Variants in KLRF1 observed in about 807,000 individuals in gnomAD.
The protein encoded by KLRF1 is killer cell lectin-like receptor subfamily F member 1.
KLRF1 carries 27 observed loss-of-function variants against 30.7 expected under a neutral mutation model. The ratio of observed to expected loss-of-function variants is 0.88; its 90% CI spans 0.65 to 1.21. The LOEUF (loss-of-function observed/expected upper bound fraction) is 1.21. KLRF1 is among the 50% of genes most tolerant of loss of function. The pLI, the probability that KLRF1 is intolerant of heterozygous loss-of-function variation, is 0.00. For synonymous variants in KLRF1, 92 were observed against 89.3 expected, an observed-to-expected ratio of 1.03 and a Z score of -0.17; for missense variants, 246 against 259.3, an observed-to-expected ratio of 0.95 and a Z score of 0.35.
At chr12:9,838,858 A>G (rs1867643168) in intron 3 of KLRF1, among the ~76,000 whole-genome samples, 2 of 152,132 alleles carry the variant, frequency 1.3e-5, no homozygotes, top group African/African-American at 4.8e-5. Flanking sequence ...AGACTTAGCT[A>G]ACATGTTTTA....
intron 5 of KLRF1, 100 bp downstream of exon 5, chr12:9,842,533 A>G (rs947486518): frequency 2.2e-6 from 2 of 920,438 alleles, no homozygotes; most frequent in African/African-American, 3.4e-5. Flanking sequence ...CTGGTACTAC[A>G]GAATTCAAAA....
At chr12:9,817,467 G>C in the KLRF1 span, 1 of 432,578 alleles carries the variant, frequency 2.3e-6, no homozygotes. Context: ...CTCTGAACCA[G>C]TTCATCCTTA....
chr12:9,821,273 C>G, the KLRF1 span, among the ~76,000 whole-genome samples: 2 of 152,102 alleles, frequency 1.3e-5, no homozygotes, highest in African/African-American at 2.4e-5. Context: ...CCAGTAACAG[C>G]AGCTCTGCAT....
the KLRF1 span, among the ~76,000 whole-genome samples, chr12:9,801,191 G>A: frequency 6.6e-6 from 1 of 151,916 alleles, no homozygotes; most frequent in African/African-American, 2.4e-5. Flanking sequence ...TCTTTTTTAT[G>A]GCTGCATAGT....
At chr12:9,823,929 CA>C (rs1486251525), upstream of KLRF1, among the ~76,000 whole-genome samples, 1 of 152,024 alleles carries the variant, frequency 6.6e-6, no homozygotes, top group Non-Finnish European at 1.5e-5. Context: ...AACACCGAAC[CA>C]GGGGGAAATT....
At chr12:9,818,497 G>C in the KLRF1 span, among the ~76,000 whole-genome samples, 1 of 152,218 alleles carries the variant, frequency 6.6e-6, no homozygotes, top group Non-Finnish European at 1.5e-5. Flanking sequence ...CAATGGATAA[G>C]ACATTCTGTA....
chr12:9,807,056 T>G, the KLRF1 span, among the ~76,000 whole-genome samples: 100 of 152,226 alleles, frequency 6.6e-4, no homozygotes, highest in African/African-American at 2.2e-3. Context: ...TTTAATTTCT[T>G]TAAAGATTTT....
chr12:9,820,454 T>A, the KLRF1 span, among the ~76,000 whole-genome samples: 1 of 152,126 alleles, frequency 6.6e-6, no homozygotes, highest in African/African-American at 2.4e-5. Context: ...CTCTGCCACT[T>A]CCTGGACAGA....
At chr12:9,841,393 C>T (rs4764022) in intron 3 of KLRF1, among the ~76,000 whole-genome samples, 1 of 151,874 alleles carries the variant, frequency 6.6e-6, no homozygotes. Context: ...GAAATAATCT[C>T]TACATCAAAC....
upstream of KLRF1, among the ~76,000 whole-genome samples, chr12:9,824,251 C>A (rs1396248062): frequency 6.6e-6 from 1 of 152,102 alleles, no homozygotes; most frequent in Non-Finnish European, 1.5e-5. Context: ...AATCCAGCAC[C>A]ACTCAAAGAG....
upstream of KLRF1, among the ~76,000 whole-genome samples, chr12:9,825,976 G>T (rs1347339475): frequency 6.6e-6 from 1 of 151,998 alleles, no homozygotes; most frequent in Non-Finnish European, 1.5e-5. Context: ...ACAAAATTTA[G>T]CAAGTAAAAA....
chr12:9,835,654 C>G (rs996075931), intron 3 of KLRF1, among the ~76,000 whole-genome samples: 2 of 151,844 alleles, frequency 1.3e-5, no homozygotes, highest in African/African-American at 4.8e-5. Context: ...CTGGAAGGCT[C>G]CAATTGTTTC....
chr12:9,812,379 A>T, the KLRF1 span, among the ~76,000 whole-genome samples: 1 of 151,824 alleles, frequency 6.6e-6, no homozygotes, highest in Non-Finnish European at 1.5e-5. Context: ...AAAAAAAAAA[A>T]AAAAAAAAAA....
chr12:9,842,215 A>C, intron 4 of KLRF1, 106 bp from the exon 5 acceptor site: 1 of 1,173,064 alleles, frequency 8.5e-7, no homozygotes, highest in Non-Finnish European at 1.2e-6. Context: ...ATTGATTACC[A>C]TAAGAATCCC....
At chr12:9,835,265 C>G (rs974541962) in intron 3 of KLRF1, among the ~76,000 whole-genome samples, 2 of 151,888 alleles carry the variant, frequency 1.3e-5, no homozygotes, top group African/African-American at 4.8e-5. Flanking sequence ...AGACCTTGTG[C>G]GAGGCAAAAC....
the KLRF1 span, among the ~76,000 whole-genome samples, chr12:9,800,514 C>T: frequency 1.3e-5 from 2 of 152,020 alleles, no homozygotes; most frequent in Admixed American, 6.6e-5. Context: ...CTCTGTGCGC[C>T]TTTGTATACT....
the KLRF1 span, among the ~76,000 whole-genome samples, chr12:9,822,474 G>A: frequency 1.3e-5 from 2 of 152,232 alleles, no homozygotes; most frequent in Non-Finnish European, 2.9e-5. Flanking sequence ...GAATGAAAAG[G>A]AAGGAACAAA....
chr12:9,822,412 C>T, the KLRF1 span, among the ~76,000 whole-genome samples: 3 of 152,202 alleles, frequency 2.0e-5, no homozygotes, highest in Middle Eastern at 0.01. Context: ...AGCTGAAGAA[C>T]TTGAAGACTA....
the KLRF1 span, among the ~76,000 whole-genome samples, chr12:9,808,723 T>G: frequency 6.6e-6 from 1 of 152,120 alleles, no homozygotes; most frequent in African/African-American, 2.4e-5. Context: ...GTTAGCTAAG[T>G]CTTAGTAAAT....
Sources: gnomAD v4.1 joint callset for allele counts (sites outside exome capture counted in the v4.1 genomes callset) on GRCh38, gnomAD v4.1.1 for gene constraint, MANE v1.5 for transcripts, NCBI Gene and HGNC (gene_info 2026-07-23, HGNC 2026-07-21) for gene names.